Variants in DOK6 observed in about 807,000 individuals in gnomAD.
The protein encoded by DOK6 is downstream of tyrosine kinase 6.
A neutral mutation model predicts 44.0 loss-of-function variants in DOK6; 22 were observed. That is an observed-to-expected ratio of 0.50 (90% CI 0.36 to 0.71). The LOEUF (loss-of-function observed/expected upper bound fraction) is 0.71. Ranked by LOEUF, DOK6 falls within the 30% of genes least tolerant of loss-of-function variation. The pLI, the probability that DOK6 is intolerant of heterozygous loss-of-function variation, is 0.00. For missense variants in DOK6, 340 were observed against 416.4 expected, an observed-to-expected ratio of 0.82 and a Z score of 1.60; for synonymous variants, 166 against 145.5, an observed-to-expected ratio of 1.14 and a Z score of -1.01.
intron 1 of DOK6, among the ~76,000 whole-genome samples, chr18:69,541,456 C>A (rs1274410261): frequency 6.6e-6 from 1 of 151,434 alleles, no homozygotes; most frequent in Non-Finnish European, 1.5e-5. Context: ...AAAAACCCAA[C>A]CATTTCCAAT....
chr18:69,689,872 A>G (rs1372225937), intron 4 of DOK6, among the ~76,000 whole-genome samples: 8 of 152,132 alleles, frequency 5.3e-5, no homozygotes, highest in Non-Finnish European at 2.9e-5. Flanking sequence ...GCACAGCTAT[A>G]TAGTGTAATA....
intron 4 of DOK6, among the ~76,000 whole-genome samples, chr18:69,694,919 C>G (rs2144699854): frequency 6.6e-6 from 1 of 152,276 alleles, no homozygotes; most frequent in Non-Finnish European, 1.5e-5. Context: ...TTCCATGTAT[C>G]TTTCTTTCTA....
intron 1 of DOK6, among the ~76,000 whole-genome samples, chr18:69,439,100 C>T (rs976692452): frequency 6.6e-6 from 1 of 152,016 alleles, no homozygotes; most frequent in African/African-American, 2.4e-5. Context: ...CCTCCTTGCA[C>T]ATTTCCATCA....
chr18:69,782,894 T>C (rs2145091112), intron 7 of DOK6, among the ~76,000 whole-genome samples: 1 of 152,328 alleles, frequency 6.6e-6, no homozygotes, highest in Non-Finnish European at 1.5e-5. Flanking sequence ...CCCATCCTCT[T>C]TTTCCCTCTC....
intron 3 of DOK6, among the ~76,000 whole-genome samples, chr18:69,649,475 G>T (rs1985166094): frequency 6.6e-6 from 1 of 152,130 alleles, no homozygotes; most frequent in Non-Finnish European, 1.5e-5. Context: ...CACTGCCAGG[G>T]ATTTGCGGCT....
At chr18:69,641,510 T>C (rs1984941697) in intron 3 of DOK6, among the ~76,000 whole-genome samples, 1 of 152,176 alleles carries the variant, frequency 6.6e-6, no homozygotes, top group South Asian at 2.1e-4. Flanking sequence ...GGCCCAGGAA[T>C]TTACATTTTT....
chr18:69,609,262 C>T (rs1402101884), intron 3 of DOK6, among the ~76,000 whole-genome samples: 2 of 152,116 alleles, frequency 1.3e-5, no homozygotes, highest in Non-Finnish European at 2.9e-5. Context: ...ACCTGATCAG[C>T]AGTTAATTTC....
At chr18:69,412,974 T>TG (rs1367417061) in intron 1 of DOK6, among the ~76,000 whole-genome samples, 1 of 152,098 alleles carries the variant, frequency 6.6e-6, no homozygotes, top group Non-Finnish European at 1.5e-5. Flanking sequence ...ATCAATGTAA[T>TG]GACACAGAAG....
intron 7 of DOK6, among the ~76,000 whole-genome samples, chr18:69,762,079 G>A (rs1979575148): frequency 6.6e-6 from 1 of 152,292 alleles, no homozygotes; most frequent in East Asian, 1.9e-4. Flanking sequence ...CCGGCAACTT[G>A]GCAGAAGGAT....
At chr18:69,673,984 A>G (rs1985865272) in intron 3 of DOK6, among the ~76,000 whole-genome samples, 1 of 152,214 alleles carries the variant, frequency 6.6e-6, no homozygotes, top group Admixed American at 6.5e-5. Flanking sequence ...GAAAATAAAC[A>G]TTTTAAAATG....
At chr18:69,445,501 AGTTT>A (rs1362963198) in intron 1 of DOK6, among the ~76,000 whole-genome samples, 2 of 152,076 alleles carry the variant, frequency 1.3e-5, no homozygotes, top group African/African-American at 4.8e-5. Flanking sequence ...ATCATGAAAC[AGTTT>A]GTTTGGGATT....
chr18:69,410,908 C>G (rs569964471), intron 1 of DOK6, among the ~76,000 whole-genome samples: 1 of 152,168 alleles, frequency 6.6e-6, no homozygotes, highest in South Asian at 2.1e-4. Flanking sequence ...CTTCATAAAC[C>G]TGGGCTCATG....
chr18:69,502,381 G>A (rs1981071740), intron 1 of DOK6, among the ~76,000 whole-genome samples: 1 of 152,034 alleles, frequency 6.6e-6, no homozygotes, highest in Non-Finnish European at 1.5e-5. Context: ...AGAACAGAAT[G>A]AGGGTGGCTG....
intron 2 of DOK6, among the ~76,000 whole-genome samples, chr18:69,579,651 G>C (rs376187732): frequency 3.4e-4 from 51 of 151,778 alleles, no homozygotes; most frequent in Middle Eastern, 3.4e-3. Flanking sequence ...GCAACCTCCA[G>C]CTCCCTCGTT....
At chr18:69,501,347 GT>G in intron 1 of DOK6, among the ~76,000 whole-genome samples, 1 of 152,166 alleles carries the variant, frequency 6.6e-6, no homozygotes, top group South Asian at 2.1e-4. Flanking sequence ...AAAGAGTACA[GT>G]TTTCAAAAGT....
intron 5 of DOK6, among the ~76,000 whole-genome samples, chr18:69,720,487 T>C (rs2144723136): frequency 6.6e-6 from 1 of 152,318 alleles, no homozygotes; most frequent in East Asian, 1.9e-4. Flanking sequence ...ATGCAGATCA[T>C]TTAAGTTTAA....
chr18:69,610,697 A>G (rs1984117745), intron 3 of DOK6, among the ~76,000 whole-genome samples: 1 of 152,208 alleles, frequency 6.6e-6, no homozygotes, highest in Non-Finnish European at 1.5e-5. Flanking sequence ...ATAACAATAC[A>G]CCAATAAAAA....
At chr18:69,795,812 T>C (rs1438907865) in intron 7 of DOK6, among the ~76,000 whole-genome samples, 1 of 152,208 alleles carries the variant, frequency 6.6e-6, no homozygotes, top group Non-Finnish European at 1.5e-5. Flanking sequence ...TTATCTGCTT[T>C]TAACCACCTC....
chr18:69,640,494 T>A (rs1259937785), intron 3 of DOK6, among the ~76,000 whole-genome samples: 1 of 139,556 alleles, frequency 7.2e-6, no homozygotes, highest in African/African-American at 2.5e-5. Flanking sequence ...CAGAAAAGTG[T>A]CTTAGTCCCT....
Sources: gnomAD v4.1 joint callset for allele counts (sites outside exome capture counted in the v4.1 genomes callset) on GRCh38, gnomAD v4.1.1 for gene constraint, MANE v1.5 for transcripts, NCBI Gene and HGNC (gene_info 2026-07-23, HGNC 2026-07-21) for gene names.